Variants in CDH18 observed in about 807,000 individuals in gnomAD.
The protein encoded by CDH18 is cadherin-18.
A neutral mutation model predicts 67.9 loss-of-function variants in CDH18; 31 were observed. That is an observed-to-expected ratio of 0.46 (90% confidence interval 0.34 to 0.62). The LOEUF is 0.62. CDH18 is among the 20% of genes least tolerant of loss of function. The probability of loss-of-function intolerance (pLI) is 0.01; values close to 1 mark genes in which losing one functional copy is unlikely to be tolerated. For missense variants in CDH18, 890 were observed against 975.5 expected, an observed-to-expected ratio of 0.91 and a Z score of 1.17; for synonymous variants, 362 against 347.2, an observed-to-expected ratio of 1.04 and a Z score of -0.48.
intron 2 of CDH18, among the ~76,000 whole-genome samples, chr5:19,846,665 G>A (rs1782993362): frequency 6.6e-6 from 1 of 152,092 alleles, no homozygotes; most frequent in South Asian, 2.1e-4. Flanking sequence ...TTGATTACAT[G>A]CAGATTTTGG....
chr5:19,598,557 C>G (rs574201843), intron 6 of CDH18, among the ~76,000 whole-genome samples: 3 of 152,006 alleles, frequency 2.0e-5, no homozygotes, highest in East Asian at 3.8e-4. Context: ...TCATGTAACA[C>G]TCCCCATTTG....
chr5:19,960,582 T>TATATATATATATACACACAC (rs1561635396), intron 2 of CDH18, among the ~76,000 whole-genome samples: 3 of 119,564 alleles, frequency 2.5e-5, no homozygotes, highest in African/African-American at 1.7e-4. Flanking sequence ...TGTGTGTGTG[T>TATATATATATATACACACAC]GTGTGTGTAT....
chr5:19,498,933 T>A (rs1742785478), intron 11 of CDH18, among the ~76,000 whole-genome samples: 1 of 152,170 alleles, frequency 6.6e-6, no homozygotes. Context: ...GACAGACACA[T>A]CTCTTATATG....
chr5:19,503,463 A>G (rs754004658), intron 10 of CDH18, among the ~76,000 whole-genome samples: 166 of 152,246 alleles, frequency 1.1e-3, no homozygotes, highest in Non-Finnish European at 2.1e-3. Flanking sequence ...GCATAAATAT[A>G]AATATCCCAG....
chr5:20,015,287 T>C (rs995923417), intron 2 of CDH18, among the ~76,000 whole-genome samples: 17 of 152,116 alleles, frequency 1.1e-4, no homozygotes, highest in Non-Finnish European at 1.5e-5. Flanking sequence ...TTCCCTGAAC[T>C]AGATAAATAA....
intron 2 of CDH18, among the ~76,000 whole-genome samples, chr5:20,152,152 T>TA (rs1751166567): frequency 6.9e-6 from 1 of 144,840 alleles, no homozygotes; most frequent in African/African-American, 2.5e-5. Context: ...TTATATATAA[T>TA]TTTATAATTA....
intron 7 of CDH18, among the ~76,000 whole-genome samples, chr5:19,588,853 C>G (rs548998969): frequency 6.6e-6 from 1 of 152,014 alleles, no homozygotes; most frequent in Non-Finnish European, 1.5e-5. Flanking sequence ...AGTAACTACA[C>G]TAAATGTATA....
intron 2 of CDH18, among the ~76,000 whole-genome samples, chr5:20,252,894 C>T (rs1743964727): frequency 6.6e-6 from 1 of 151,438 alleles, no homozygotes; most frequent in Admixed American, 6.6e-5. Context: ...CGAGATTGTG[C>T]CACTGCACTC....
At chr5:19,992,201 T>C (rs1800024450), upstream of CDH18, among the ~76,000 whole-genome samples, 3 of 152,090 alleles carry the variant, frequency 2.0e-5, no homozygotes, top group African/African-American at 4.8e-5. Flanking sequence ...TTTTCTTCAA[T>C]GCATGTATAA....
intron 5 of CDH18, among the ~76,000 whole-genome samples, chr5:19,716,679 T>G (rs1283776311): frequency 6.6e-6 from 1 of 151,980 alleles, no homozygotes; most frequent in Non-Finnish European, 1.5e-5. Flanking sequence ...GTCTACTCCT[T>G]TTTAATATCA....
At chr5:19,947,583 T>C (rs1017284146) in intron 2 of CDH18, among the ~76,000 whole-genome samples, 2 of 7,258 alleles carry the variant, frequency 2.8e-4, no homozygotes, top group African/African-American at 4.9e-4. Context: ...TCTACTAAAA[T>C]ACAAAAAAAA....
chr5:20,377,197 T>C (rs1743524120), intron 1 of CDH18, among the ~76,000 whole-genome samples: 1 of 152,200 alleles, frequency 6.6e-6, no homozygotes, highest in South Asian at 2.1e-4. Context: ...TTTGATGGTG[T>C]ACTGAATAAC....
At chr5:20,211,317 G>A (rs1740336833) in intron 2 of CDH18, among the ~76,000 whole-genome samples, 1 of 152,092 alleles carries the variant, frequency 6.6e-6, no homozygotes, top group Admixed American at 6.6e-5. Context: ...TCTGGGGGTA[G>A]GACATAGCTG....
chr5:19,838,993 A>G lies in CDH18; in HGVS notation c.-7T>C, dbSNP rs1781986473. 3 of 1,605,056 alleles carry G rather than the reference A, an allele frequency of 1.9e-6. No individual in the cohort carries two copies. The highest frequency in any genetic ancestry group is 2.6e-6 in the Non-Finnish European group (3 of 1,171,878). ...ATGTGCTAGTAATTTTCATTGTAAG[A>G]TAACTTTCCAGTTCACAGTTTTCCT... is the stretch of plus-strand genomic sequence containing the variant. On this transcript the variant is annotated 5_prime_UTR_variant, in exon 3 of 13. Coordinates refer to ENST00000382275, the MANE Select transcript of CDH18 (RefSeq NM_004934.5).
chr5:19,755,194 A>C (rs1418784732), intron 3 of CDH18, among the ~76,000 whole-genome samples: 7 of 151,376 alleles, frequency 4.6e-5, no homozygotes, highest in Admixed American at 6.6e-5. Flanking sequence ...AACAAACAAA[A>C]AAAATACAAA....
At chr5:20,453,208 A>G (rs1203329541) in intron 1 of CDH18, among the ~76,000 whole-genome samples, 3 of 152,192 alleles carry the variant, frequency 2.0e-5, no homozygotes, top group African/African-American at 7.2e-5. Context: ...TTACCATCAT[A>G]TAGTCTAGGA....
chr5:20,063,405 G>C (rs1742679660), intron 2 of CDH18, among the ~76,000 whole-genome samples: 1 of 151,850 alleles, frequency 6.6e-6, no homozygotes, highest in Non-Finnish European at 1.5e-5. Flanking sequence ...GGAAATTGTA[G>C]GTCTTCACTG....
intron 1 of CDH18, among the ~76,000 whole-genome samples, chr5:20,402,031 C>G (rs1400759164): frequency 1.3e-5 from 2 of 152,040 alleles, no homozygotes; most frequent in South Asian, 2.1e-4. Flanking sequence ...TCAACTCACT[C>G]TATTCTCACA....
At chr5:19,805,642 G>A (rs1281605355) in intron 3 of CDH18, among the ~76,000 whole-genome samples, 1 of 152,030 alleles carries the variant, frequency 6.6e-6, no homozygotes, top group African/African-American at 2.4e-5. Context: ...TCACTCTCAT[G>A]CCCTTTACTC....
Sources: gnomAD v4.1 joint callset for allele counts (sites outside exome capture counted in the v4.1 genomes callset) on GRCh38, gnomAD v4.1.1 for gene constraint, MANE v1.5 for transcripts, NCBI Gene and HGNC (gene_info 2026-07-23, HGNC 2026-07-21) for gene names.